The following KLF13 variants were observed in gnomAD, a reference collection of about 807,000 sequenced individuals.
The protein encoded by KLF13 is KLF transcription factor 13.
KLF13 carries 8 observed loss-of-function variants against 16.7 expected under a neutral mutation model. The observed-to-expected ratio is 0.48, with a 90% confidence interval of 0.28 to 0.87. The LOEUF (loss-of-function observed/expected upper bound fraction) is 0.87. KLF13 is among the 40% of genes least tolerant of loss of function. The pLI, the probability that KLF13 is intolerant of heterozygous loss-of-function variation, is 0.10. For missense variants in KLF13, 447 were observed against 452.2 expected (o/e 0.99, Z 0.10); for synonymous variants, 245 against 208.4 (o/e 1.18, Z -1.51).
At chr15:31,396,339 A>T (rs998455245) in intron 2 of KLF13, among the ~76,000 whole-genome samples, 1 of 152,106 alleles carries the variant, frequency 6.6e-6, no homozygotes, top group African/African-American at 2.4e-5. Context: ...TTGCATTTTT[A>T]GTAGAGACAG....
chr15:31,329,895 CG>C (rs2140928173), intron 1 of KLF13, among the ~76,000 whole-genome samples: 1 of 152,272 alleles, frequency 6.6e-6, no homozygotes, highest in South Asian at 2.1e-4. Flanking sequence ...TGCAGATTTC[CG>C]GGCCCCTGAT....
intron 1 of KLF13, among the ~76,000 whole-genome samples, chr15:31,345,166 G>T (rs1026456660): frequency 6.6e-6 from 1 of 152,230 alleles, no homozygotes; most frequent in African/African-American, 2.4e-5. Flanking sequence ...GCCAGGAGAG[G>T]AGCAGGACAG....
chr15:31,357,100 G>C (rs2039312112), intron 1 of KLF13, among the ~76,000 whole-genome samples: 1 of 152,136 alleles, frequency 6.6e-6, no homozygotes, highest in African/African-American at 2.4e-5. Flanking sequence ...TCCCAACCCT[G>C]CTATTGGGAT....
intron 1 of KLF13, among the ~76,000 whole-genome samples, chr15:31,338,999 T>G (rs1443395618): frequency 2.0e-5 from 3 of 152,126 alleles, no homozygotes; most frequent in Non-Finnish European, 4.4e-5. Context: ...CTGCTCATCC[T>G]GGGAGACACT....
chr15:31,422,328 G>A (rs2040338277), intron 1 of KLF13, among the ~76,000 whole-genome samples: 1 of 151,892 alleles, frequency 6.6e-6, no homozygotes. Flanking sequence ...TTCATAGCTG[G>A]AGAGACCTCG....
chr15:31,391,989 C>T (rs994168946), upstream of KLF13, among the ~76,000 whole-genome samples: 1 of 152,026 alleles, frequency 6.6e-6, no homozygotes, highest in Non-Finnish European at 1.5e-5. Context: ...GGGGAGCCCT[C>T]GGCTGGGCGG....
chr15:31,385,099 AGGT>A (rs551397943), intron 1 of KLF13, among the ~76,000 whole-genome samples: 7 of 152,190 alleles, frequency 4.6e-5, no homozygotes, highest in Non-Finnish European at 1.0e-4. Flanking sequence ...GGATATAAGA[AGGT>A]GGTGGCCATC....
At chr15:31,370,297 A>C (rs1357385467) in intron 1 of KLF13, among the ~76,000 whole-genome samples, 1 of 151,856 alleles carries the variant, frequency 6.6e-6, no homozygotes, top group East Asian at 1.9e-4. Flanking sequence ...TGACATCCAC[A>C]TATTTTCCAG....
intron 1 of KLF13, among the ~76,000 whole-genome samples, chr15:31,359,229 G>C (rs551776329): frequency 6.6e-6 from 1 of 152,324 alleles, no homozygotes; most frequent in African/African-American, 2.4e-5. Flanking sequence ...AAGCTCCAGA[G>C]CCCTTGTCTC....
intron 1 of KLF13, among the ~76,000 whole-genome samples, chr15:31,428,888 A>C (rs2040434701): frequency 6.6e-6 from 1 of 152,094 alleles, no homozygotes; most frequent in Non-Finnish European, 1.5e-5. Flanking sequence ...ATATAGTGGA[A>C]GAAAGTAGCA....
intron 1 of KLF13, among the ~76,000 whole-genome samples, chr15:31,335,063 A>G (rs927064397): frequency 6.6e-6 from 1 of 152,212 alleles, no homozygotes; most frequent in Non-Finnish European, 1.5e-5. Flanking sequence ...AGCCACGTAC[A>G]TGTGTAGAAA....
chr15:31,424,374 A>T (rs928593706), intron 1 of KLF13, among the ~76,000 whole-genome samples: 3 of 152,136 alleles, frequency 2.0e-5, no homozygotes, highest in African/African-American at 7.2e-5. Flanking sequence ...ATACACCATG[A>T]CCAAGTGGGA....
At chr15:31,345,374 G>A (rs993571048) in intron 1 of KLF13, among the ~76,000 whole-genome samples, 1 of 152,174 alleles carries the variant, frequency 6.6e-6, no homozygotes, top group African/African-American at 2.4e-5. Flanking sequence ...CTGGGGGCCT[G>A]GAGGCCTGTG....
In KLF13 at chr15:31,377,607, T is replaced by A. The variant is rs2039670674; in HGVS notation, c.*5308T>A. The A allele has an allele frequency of 6.6e-6, 1 of 152,544 alleles. No individual in the cohort carries two copies. Among genetic ancestry groups the A allele is most frequent in the South Asian group, 2.1e-4 (1 of 4,830 alleles). 9.4% of individuals were successfully genotyped at this position (152,544 alleles called of 1,614,324 possible). On this transcript the variant is annotated 3_prime_UTR_variant, in exon 2 of 2. Coordinates refer to ENST00000307145, the MANE Select transcript of KLF13 (RefSeq NM_015995.4). ...CAAGACCATTTCCATGGAGCTCATG[T>A]TTTTCTTTTCTGTAGGAACTTTTTT... is the stretch of plus-strand genomic sequence containing the variant.
At chr15:31,431,755 C>G (rs1385668530) in intron 1 of KLF13, among the ~76,000 whole-genome samples, 1 of 152,204 alleles carries the variant, frequency 6.6e-6, no homozygotes, top group Non-Finnish European at 1.5e-5. Flanking sequence ...TGAGCCACCG[C>G]GCCCAGCCTG....
intron 1 of KLF13, among the ~76,000 whole-genome samples, chr15:31,353,087 C>T (rs757590166): frequency 6.6e-6 from 1 of 152,132 alleles, no homozygotes; most frequent in Non-Finnish European, 1.5e-5. Context: ...GGAAGGGACC[C>T]TGGGCCAGGG....
intron 1 of KLF13, among the ~76,000 whole-genome samples, chr15:31,420,929 G>T (rs2040314924): frequency 6.6e-6 from 1 of 152,106 alleles, no homozygotes; most frequent in Non-Finnish European, 1.5e-5. Flanking sequence ...CTGACCTCAG[G>T]TGATCTGCCC....
rs2038727750 is a variant in KLF13, at chr15:31,327,293, G to A, written c.81G>A (p.Pro27=). Residue 27 remains proline, a synonymous_variant, in exon 1 of 2, where the codon CCG becomes CCA. Transcript: ENST00000307145. ...CGAGCCGCGCGGTCGTGCACGGGCCGCGGGAGGGGCCGGAGTCCCGGCCCG... is the reference window on the plus strand; with the variant it reads ...CGAGCCGCGCGGTCGTGCACGGGCCACGGGAGGGGCCGGAGTCCCGGCCCG... The part of the protein sequence containing the change: ...SMSSRAVVHG[P]REGPESRPEG... The A allele has an allele frequency of 4.6e-6, 6 of 1,312,808 alleles. No individual in the cohort carries two copies. Among genetic ancestry groups the A allele is most frequent in the Non-Finnish European group, 5.8e-6 (6 of 1,033,602 alleles). The allele number at this position is 1,312,808 out of a possible 1,614,324, so 81.3% of individuals were successfully genotyped here. A position where few individuals can be genotyped will look rare whatever the true frequency, so the allele number is the denominator to read the frequency against.
intron 1 of KLF13, among the ~76,000 whole-genome samples, chr15:31,335,837 G>A (rs987039327): frequency 5.9e-5 from 9 of 152,174 alleles, no homozygotes; most frequent in African/African-American, 1.4e-4. Context: ...GCACAGGCTC[G>A]TCTCCTTGAA....
Sources: allele counts gnomAD v4.1 joint callset (sites outside exome capture counted in the v4.1 genomes callset), GRCh38; gene constraint gnomAD v4.1.1; transcripts MANE v1.5; gene names NCBI Gene and HGNC (gene_info 2026-07-23, HGNC 2026-07-21).